The following SPRR3 variants were observed in gnomAD, a reference collection of about 807,000 sequenced individuals.
The protein encoded by SPRR3 is small proline-rich protein 3.
For missense variants in SPRR3, 183 were observed against 200.3 expected (o/e 0.91, Z 0.52); for synonymous variants, 58 against 72.3 (o/e 0.80, Z 1.01).
At position 153,003,366 on chromosome 1, in the gene SPRR3, A is replaced by T. The variant is rs1468416079; in HGVS notation, c.346A>T (p.Lys116Ter). The change falls in exon 2 of 2, where the codon AAG becomes TAG. Residue 116 changes from lysine to a stop codon, truncating the protein, a stop_gained. Transcript: ENST00000295367. LOFTEE classifies it low-confidence loss of function (END_TRUNC). ...YTKVPEPGSI[K>*]VPDQGFIKFP... ...CAAGGTCCCTGAACCAGGCAGCATC[A>T]AGGTCCCTGACCAAGGCTTCATCAA... The T allele has an allele frequency of 6.2e-7, 1 of 1,614,078 alleles. No homozygotes were observed. The highest frequency in any genetic ancestry group is 1.1e-5 in the South Asian group (1 of 91,068).
Position 153,003,293 on chromosome 1 carries a change from C to G in SPRR3, c.273C>G (p.Thr91=), listed in dbSNP as rs368852970. The change falls in exon 2 of 2, where the codon ACC becomes ACG. Residue 91 remains threonine, a synonymous_variant. Coordinates refer to ENST00000295367, the MANE Select transcript of SPRR3 (RefSeq NM_001097589.2). Reference sequence around the variant, plus strand: ...CCAAGGTCCCTGAGCCAGGCTGTACCAAGGTCCCTGAGCCAGGTTGTACCA... The same window carrying G: ...CCAAGGTCCCTGAGCCAGGCTGTACGAAGGTCCCTGAGCCAGGTTGTACCA... ...GCTKVPEPGC[T]KVPEPGCTKV... The G allele has an allele frequency of 1.9e-6, 3 of 1,608,190 alleles. No individual in the cohort carries two copies. The highest frequency in any genetic ancestry group is 2.5e-6 in the Non-Finnish European group (3 of 1,177,180).
At position 153,003,006 on chromosome 1, in the gene SPRR3, A is replaced by T. The variant is rs1652827017; in HGVS notation, c.-15A>T. The T allele has an allele frequency of 1.2e-6, 2 of 1,606,434 alleles. No individual in the cohort carries two copies. The highest frequency in any genetic ancestry group is 1.7e-5 in the Admixed American group (1 of 59,438). On this transcript the variant is annotated 5_prime_UTR_variant, in exon 2 of 2. Transcript: ENST00000295367. ...AATTAGCTGTTTTGTCTCTAGGTCCAGCATCCTTTGAAGCATGAGTTCTTA... is the reference window on the plus strand; with the variant it reads ...AATTAGCTGTTTTGTCTCTAGGTCCTGCATCCTTTGAAGCATGAGTTCTTA...
In SPRR3 at chr1:153,003,206, TGAGCCAGGCTGTACCAAGGTCC is replaced by T. The variant is rs766944134; in HGVS notation, c.187_208del (p.Glu63LeufsTer130). 4 of 1,173,278 alleles carry T rather than the reference TGAGCCAGGCTGTACCAAGGTCC, an allele frequency of 3.4e-6. No individual in the cohort carries two copies. The highest frequency in any genetic ancestry group is 2.4e-5 in the African/African-American group (1 of 41,026). The allele number at this position is 1,173,278 out of a possible 1,614,324, so 72.7% of individuals were successfully genotyped here. ...CAGAGCCAGGCTGTACCAAGGTCCC[TGAGCCAGGCTGTACCAAGGTCC>T]CTGAGCCAGGCTGTACCAAGGTCCC... On this transcript the variant is annotated frameshift_variant, in exon 2 of 2. Coordinates refer to ENST00000295367, the MANE Select transcript of SPRR3 (RefSeq NM_001097589.2). LOFTEE classifies it low-confidence loss of function (END_TRUNC).
chr1:153,003,073 A>T lies in SPRR3; in HGVS notation c.53A>T (p.Gln18Leu). The T allele has an allele frequency of 6.2e-7, 1 of 1,614,180 alleles. No homozygotes were observed. Among genetic ancestry groups the T allele is most frequent in the South Asian group, 1.1e-5 (1 of 91,082 alleles). The change falls in exon 2 of 2, where the codon CAG becomes CTG. Residue 18 changes from glutamine (Q) to leucine (L), a missense_variant. Coordinates refer to ENST00000295367, the MANE Select transcript of SPRR3 (RefSeq NM_001097589.2). Reference protein sequence around the residue: ...QTFTPPPQLQQQQVKQPSQPP... With the variant: ...QTFTPPPQLQLQQVKQPSQPP... ...TTTACCCCACCACCTCAGCTTCAAC[A>T]GCAGCAGGTGAAACAACCCAGCCAG...
In SPRR3 at chr1:153,003,841, A is replaced by C. The variant is rs1570958445; in HGVS notation, c.*311A>C. On this transcript the variant is annotated 3_prime_UTR_variant, in exon 2 of 2. Transcript: ENST00000295367. ...ATGTTTCCTGCTCTTCCCTCATTAA[A>C]TTGCTTTTAATTCCAGTCTTGGCTG... The C allele has an allele frequency of 2.6e-6, 1 of 386,500 alleles. No individual in the cohort carries two copies. 23.9% of individuals were successfully genotyped at this position (386,500 alleles called of 1,614,324 possible).
In SPRR3 at chr1:153,003,297, G is replaced by A; in HGVS notation, c.277G>A (p.Val93Ile). The A allele has an allele frequency of 6.2e-7, 1 of 1,607,768 alleles. No homozygotes were observed. The highest frequency in any genetic ancestry group is 1.7e-5 in the Admixed American group (1 of 59,428). Reference sequence around the variant, plus strand: ...GGTCCCTGAGCCAGGCTGTACCAAGGTCCCTGAGCCAGGTTGTACCAAGGT... The same window carrying A: ...GGTCCCTGAGCCAGGCTGTACCAAGATCCCTGAGCCAGGTTGTACCAAGGT... ...TKVPEPGCTK[V>I]PEPGCTKVPE... The change falls in exon 2 of 2, where the codon GTC becomes ATC. Residue 93 changes from valine (V) to isoleucine (I), a missense_variant. Val to Ile is a conservative substitution (Grantham distance 29, BLOSUM62 3). Transcript: ENST00000295367.
At chr1:153,002,535 G>A (rs1249248359) in intron 1 of SPRR3, 1 of 163,818 alleles carries the variant, frequency 6.1e-6, no homozygotes, top group Admixed American at 5.6e-5. Context: ...ACAGCCAAGA[G>A]TGGTATTAAA....
intron 1 of SPRR3, 178 bp from the exon 2 acceptor site, chr1:153,002,824 C>T: frequency 1.5e-6 from 1 of 683,306 alleles, no homozygotes; most frequent in Non-Finnish European, 2.4e-6. Context: ...TCAACTTTAC[C>T]TTATTCTCTG....
chr1:153,002,968 A>T, intron 1 of SPRR3, 34 bp from the exon 2 acceptor site: 1 of 1,558,770 alleles, frequency 6.4e-7, no homozygotes, highest in Non-Finnish European at 8.7e-7. Context: ...ATTCCTACTT[A>T]ATCAAAGCAC....
rs1447484756 is a variant in SPRR3, at chr1:153,003,232, A to G, written c.212A>G (p.Glu71Gly). ...GAGCCAGGCTGTACCAAGGTCCCTG[A>G]GCCAGGCTGTACCAAGGTCCCTGAG... ...VPEPGCTKVP[E>G]PGCTKVPEPG... The change falls in exon 2 of 2, where the codon GAG (glutamate) becomes GGG (glycine). Residue 71 changes from glutamate to glycine, a missense_variant. By Grantham distance (98) the Glu-to-Gly change is moderately conservative (BLOSUM62 -2). Transcript: ENST00000295367. The G allele has an allele frequency of 6.3e-7, 1 of 1,591,152 alleles. No individual in the cohort carries two copies. Among genetic ancestry groups the G allele is most frequent in the South Asian group, 1.1e-5 (1 of 87,386 alleles).
intron 1 of SPRR3, 43 bp from the exon 2 acceptor site, chr1:153,002,959 T>C: frequency 6.5e-7 from 1 of 1,540,648 alleles, no homozygotes; most frequent in African/African-American, 1.4e-5. Context: ...CTGGGCTTCA[T>C]TCCTACTTAA....
rs566358522 is a variant in SPRR3, at chr1:153,001,756, C to G, written c.-57C>G. 3.3e-5 allele frequency: 5 copies of G among 152,236 alleles called. No homozygotes were observed. The highest frequency in any genetic ancestry group is 7.3e-5 in the Non-Finnish European group (5 of 68,046). The allele number at this position is 152,236 out of a possible 1,614,324, so 9.4% of individuals were successfully genotyped here. ...GCTAACAAGAGACTCTTCACCAGAT[C>G]CCAGAGGCTGAACACCTCGACCTTC... On this transcript the variant is annotated 5_prime_UTR_variant, in exon 1 of 2. It adds an upstream start codon to the 5' untranslated region. Coordinates refer to ENST00000295367, the MANE Select transcript of SPRR3 (RefSeq NM_001097589.2).
rs754474434 is a variant in SPRR3, at chr1:153,003,206, TGAG to T, written c.187_189del (p.Glu63del). The T allele has an allele frequency of 2.1e-5, 25 of 1,173,278 alleles. No homozygotes were observed. The East Asian group carries it at 3.4e-4, about 16-fold the overall frequency. 72.7% of individuals were successfully genotyped at this position (1,173,278 alleles called of 1,614,324 possible). A position where few individuals can be genotyped will look rare whatever the true frequency, so the allele number is the denominator to read the frequency against. ...CAGAGCCAGGCTGTACCAAGGTCCC[TGAG>T]CCAGGCTGTACCAAGGTCCCTGAGC... On this transcript the variant is annotated inframe_deletion, in exon 2 of 2. Coordinates refer to ENST00000295367, the MANE Select transcript of SPRR3 (RefSeq NM_001097589.2).
intron 1 of SPRR3, chr1:153,002,279 A>G (rs774744325): frequency 6.5e-6 from 1 of 152,746 alleles, no homozygotes; most frequent in Non-Finnish European, 1.5e-5. Flanking sequence ...AGAGGTGGGC[A>G]TGTGTGGGGA....
At position 153,003,733 on chromosome 1, in the gene SPRR3, C is replaced by T; in HGVS notation, c.*203C>T. ...ACACTCTGAAGAATCCTGTAAGCCC[C>T]TGAATTAAGCAGAAAGTCTTCATGG... is the stretch of plus-strand genomic sequence containing the variant. On this transcript the variant is annotated 3_prime_UTR_variant, in exon 2 of 2. Coordinates refer to ENST00000295367, the MANE Select transcript of SPRR3 (RefSeq NM_001097589.2). 2.7e-6 allele frequency: 2 copies of T among 751,552 alleles called. No individual in the cohort carries two copies. Among genetic ancestry groups the T allele is most frequent in the Admixed American group, 3.0e-5 (1 of 33,324 alleles). 46.6% of individuals were successfully genotyped at this position (751,552 alleles called of 1,614,324 possible). A position where few individuals can be genotyped will look rare whatever the true frequency, so the allele number is the denominator to read the frequency against.
In SPRR3 at chr1:153,003,298, T is replaced by A. The variant is rs113424082; in HGVS notation, c.278T>A (p.Val93Asp). Residue 93 changes from valine to aspartate, a missense_variant, in exon 2 of 2, where the codon GTC becomes GAC. Physicochemically the swap from Val to Asp is radical, Grantham distance 152. Transcript: ENST00000295367. Reference protein sequence around the residue: ...TKVPEPGCTKVPEPGCTKVPE... With the variant: ...TKVPEPGCTKDPEPGCTKVPE... Reference sequence around the variant, plus strand: ...GTCCCTGAGCCAGGCTGTACCAAGGTCCCTGAGCCAGGTTGTACCAAGGTC... The same window carrying A: ...GTCCCTGAGCCAGGCTGTACCAAGGACCCTGAGCCAGGTTGTACCAAGGTC... 6.2e-7 allele frequency: 1 copy of A among 1,608,090 alleles called. No individual in the cohort carries two copies.
Position 153,003,625 on chromosome 1 carries a change from T to A in SPRR3, c.*95T>A. The stretch of plus-strand genomic sequence containing the variant: ...GTGTCTTAATTGTCTGTAGACCTTG[T>A]AATCAGCACATTGTCACCCCAAGCC... On this transcript the variant is annotated 3_prime_UTR_variant, in exon 2 of 2. Coordinates refer to ENST00000295367, the MANE Select transcript of SPRR3 (RefSeq NM_001097589.2). 6.7e-7 allele frequency: 1 copy of A among 1,486,926 alleles called. No homozygotes were observed. Among genetic ancestry groups the A allele is most frequent in the Non-Finnish European group, 9.1e-7 (1 of 1,103,012 alleles). The allele number at this position is 1,486,926 out of a possible 1,614,324, so 92.1% of individuals were successfully genotyped here. A position where few individuals can be genotyped will look rare whatever the true frequency, so the allele number is the denominator to read the frequency against.
intron 1 of SPRR3, chr1:153,002,723 G>T (rs975151131): frequency 4.9e-6 from 2 of 410,288 alleles, no homozygotes; most frequent in South Asian, 3.9e-5. Context: ...TTGCATATTT[G>T]TATGTGTTTT....
chr1:153,003,353 A>G lies in SPRR3; in HGVS notation c.333A>G (p.Glu111=), dbSNP rs1970328. The change falls in exon 2 of 2, where the codon GAA becomes GAG. Residue 111 remains glutamate, a synonymous_variant. Transcript: ENST00000295367. The stretch of plus-strand genomic sequence containing the variant: ...AGCCAGGCTACACCAAGGTCCCTGA[A>G]CCAGGCAGCATCAAGGTCCCTGACC... ...VPEPGYTKVP[E]PGSIKVPDQG... The G allele has an allele frequency of 0.44, 387,190 of 887,826 alleles. 113,242 individuals are homozygous for G. Among genetic ancestry groups the G allele is most frequent in the East Asian group, 0.65 (24,469 of 37,908 alleles). The allele number at this position is 887,826 out of a possible 1,614,324, so 55.0% of individuals were successfully genotyped here.
Sources: gnomAD v4.1 joint callset for allele counts on GRCh38, gnomAD v4.1.1 for gene constraint, MANE v1.5 for transcripts, NCBI Gene and HGNC (gene_info 2026-07-23, HGNC 2026-07-21) for gene names.